Variants in CWC25 observed in about 807,000 individuals in gnomAD.
The protein encoded by CWC25 is pre-mRNA-splicing factor CWC25 homolog.
In CWC25, 31 loss-of-function variants were observed where a neutral mutation model predicts 54.6. The ratio of observed to expected loss-of-function variants is 0.57; its 90% CI spans 0.43 to 0.77. The LOEUF (loss-of-function observed/expected upper bound fraction) is 0.77, where lower values mean the gene tolerates loss of function less well. Among genes scored for constraint, CWC25 ranks in the 30% least tolerant of loss-of-function variants. The pLI is 0.00. For synonymous variants in CWC25, 151 were observed against 187.0 expected (o/e 0.81, Z 1.57); for missense variants, 453 against 529.3 (o/e 0.86, Z 1.41).
chr17:38,819,054 C>A (rs949433106), intron 2 of CWC25, among the ~76,000 whole-genome samples: 1 of 152,052 alleles, frequency 6.6e-6, no homozygotes, highest in African/African-American at 2.4e-5. Context: ...GGCAGAGTCT[C>A]ACTCTGTCAC....
intron 1 of CWC25, among the ~76,000 whole-genome samples, chr17:38,823,326 AT>A (rs1418855912): frequency 4.9e-4 from 72 of 147,914 alleles, no homozygotes; most frequent in Non-Finnish European, 3.0e-4. Flanking sequence ...CTCCCAGCTA[AT>A]TTTTGTATTT....
chr17:38,814,136 C>T (rs952506195), intron 3 of CWC25, among the ~76,000 whole-genome samples: 1 of 152,072 alleles, frequency 6.6e-6, no homozygotes, highest in Admixed American at 6.6e-5. Flanking sequence ...GCTGGGATTA[C>T]AGGCGTGAGC....
Position 38,802,785 on chromosome 17 carries a change from G to T in CWC25, c.1078C>A (p.Leu360Met). 6.2e-7 allele frequency: 1 copy of T among 1,613,982 alleles called. No individual in the cohort carries two copies. Among genetic ancestry groups the T allele is most frequent in the Non-Finnish European group, 8.5e-7 (1 of 1,179,896 alleles). Residue 360 changes from leucine to methionine, a missense_variant, in exon 9 of 10, where the codon CTG becomes ATG. Leu to Met is a conservative substitution (Grantham distance 15). Around this residue, in one of 2 missense-constraint regions of CWC25, gnomAD observed 444 missense variants for 499.2 expected, o/e 0.89. Coordinates refer to ENST00000614790, the MANE Select transcript of CWC25 (RefSeq NM_017748.5). ...TTAGCATGCCTCTTGAGGATGTTCA[G>T]TCTCTCCTCCTCCCTCCATTTGGCG... ...ENAKWREEER[L>M]NILKRHAKDE...
chr17:38,804,832 C>T (rs1322690175), intron 8 of CWC25, among the ~76,000 whole-genome samples: 3 of 135,712 alleles, frequency 2.2e-5, no homozygotes, highest in East Asian at 2.2e-4. Flanking sequence ...GAAGCCCGGG[C>T]GTGGTGGCTC....
At chr17:38,804,799 C>CAAAAA (rs4042818) in intron 8 of CWC25, among the ~76,000 whole-genome samples, 8 of 64,748 alleles carry the variant, frequency 1.2e-4, no homozygotes, top group African/African-American at 1.5e-4. Flanking sequence ...CAGAGCGAGA[C>CAAAAA]AAAAAAAAAA....
At chr17:38,803,841 C>A (rs1911123761) in intron 8 of CWC25, among the ~76,000 whole-genome samples, 1 of 151,836 alleles carries the variant, frequency 6.6e-6, no homozygotes, top group Non-Finnish European at 1.5e-5. Context: ...AGTTCAAGAC[C>A]AGCCTAGGCA....
chr17:38,802,254 G>A, intron 9 of CWC25, 48 bp from the exon 10 acceptor site: 1 of 1,305,412 alleles, frequency 7.7e-7, no homozygotes, highest in African/African-American at 1.4e-5. Flanking sequence ...TTTTCAATCA[G>A]TCAACTATTC....
intron 7 of CWC25, 43 bp downstream of exon 7, chr17:38,806,722 C>A: frequency 6.7e-7 from 1 of 1,483,356 alleles, no homozygotes; most frequent in Non-Finnish European, 9.0e-7. Context: ...TGGGACCAGG[C>A]CCCCACAGTC....
At position 38,815,031 on chromosome 17, in the gene CWC25, G is replaced by A. The variant is rs769422829; in HGVS notation, c.258C>T (p.Tyr86=). 3.1e-6 allele frequency: 5 copies of A among 1,613,878 alleles called. No individual in the cohort carries two copies. The highest frequency in any genetic ancestry group is 3.4e-6 in the Non-Finnish European group (4 of 1,179,886). The change falls in exon 3 of 10, where the codon TAC becomes TAT. Residue 86 remains tyrosine (Y), a synonymous_variant. Coordinates refer to ENST00000614790, the MANE Select transcript of CWC25 (RefSeq NM_017748.5). ...ATTTGTCAATGGGGCGCCCCAGCAG[G>A]TACTCGTCACGGTTCACCATCCCAC... ...GPGGMVNRDE[Y]LLGRPIDKYV...
Position 38,809,780 on chromosome 17 carries a change from TAC to T in CWC25, c.627-17_627-16del, listed in dbSNP as rs762497831. ...TCTTCTGTGATCTAAGAGATCAAAA[TAC>T]ACACACTCATTGAAAAAGAAAATAT... On this transcript the variant is annotated splice_polypyrimidine_tract_variant and intron_variant, in intron 5 of 9. Transcript: ENST00000614790. 2 of 1,611,078 alleles carry T rather than the reference TAC, an allele frequency of 1.2e-6. No homozygotes were observed. Among genetic ancestry groups the T allele is most frequent in the South Asian group, 2.2e-5 (2 of 90,874 alleles).
In CWC25 at chr17:38,802,122, T is replaced by C; in HGVS notation, c.1248A>G (p.Val416=). ...TTTTCATAAAGTTCTTCTCCAGAGCTACCGAAGTTCTCTGTAAAGAGTAGA... is the reference window on the plus strand; with the variant it reads ...TTTTCATAAAGTTCTTCTCCAGAGCCACCGAAGTTCTCTGTAAAGAGTAGA... ...RNIYSLQRTS[V]ALEKNFMKR Residue 416 remains valine, a synonymous_variant, in exon 10 of 10, where the codon GTA becomes GTG. Coordinates refer to ENST00000614790, the MANE Select transcript of CWC25 (RefSeq NM_017748.5). 6 of 1,613,382 alleles carry C rather than the reference T, an allele frequency of 3.7e-6. No homozygotes were observed. The highest frequency in any genetic ancestry group is 5.1e-6 in the Non-Finnish European group (6 of 1,179,356).
At chr17:38,816,427 A>C (rs1295294083) in intron 2 of CWC25, among the ~76,000 whole-genome samples, 1 of 151,536 alleles carries the variant, frequency 6.6e-6, no homozygotes, top group East Asian at 1.9e-4. Flanking sequence ...TTATTTTTTC[A>C]ATTTTTAAAC....
At chr17:38,823,049 A>G (rs1387078797) in intron 1 of CWC25, among the ~76,000 whole-genome samples, 2 of 151,324 alleles carry the variant, frequency 1.3e-5, no homozygotes, top group African/African-American at 2.4e-5. Flanking sequence ...CGTGTTAGCC[A>G]TGATGGTCTC....
rs1911830718 is a variant in CWC25 at position 38,819,346 on chromosome 17, T to C, written c.191+1555A>G. ...TCCCGAGTAGCTGGGATTACAGGCA[T>C]GTGCCACCATGCCTGGCTAATTTTT... On this transcript the variant is annotated intron_variant, in intron 2 of 9. Coordinates refer to ENST00000614790, the MANE Select transcript of CWC25 (RefSeq NM_017748.5). Among the ~76,000 whole-genome samples, 2 of 148,112 alleles carry C rather than the reference T, an allele frequency of 1.4e-5. 1 individual carries two copies. The highest frequency in any genetic ancestry group is 3.0e-5 in the Non-Finnish European group (2 of 66,060).
chr17:38,810,940 A>AG (rs1260779142), intron 4 of CWC25, among the ~76,000 whole-genome samples: 6 of 150,184 alleles, frequency 4.0e-5, no homozygotes, highest in African/African-American at 1.5e-4. Context: ...AAAAAAAAAA[A>AG]AGATTACTGG....
chr17:38,825,301 T>C lies in CWC25; in HGVS notation c.-118A>G. 9.0e-7 allele frequency: 1 copy of C among 1,105,772 alleles called. No homozygotes were observed. 68.5% of individuals were successfully genotyped at this position (1,105,772 alleles called of 1,614,324 possible). A position where few individuals can be genotyped will look rare whatever the true frequency, so the allele number is the denominator to read the frequency against. On this transcript the variant is annotated 5_prime_UTR_variant, in exon 1 of 10. Transcript: ENST00000614790. Reference sequence around the variant, plus strand: ...GGATCTAGTCCCAGGAGCCGTCAACTGCCAGTTTCACCACCGCTCTAGAGG... The same window carrying C: ...GGATCTAGTCCCAGGAGCCGTCAACCGCCAGTTTCACCACCGCTCTAGAGG...
rs1229155554 is a variant in CWC25, at chr17:38,801,556, A to G, written c.*536T>C. On this transcript the variant is annotated 3_prime_UTR_variant, in exon 10 of 10. Transcript: ENST00000614790. ...ATTACAATTTTACATCCAAAGATCA[A>G]ATAGTTAACAGTTCATTTAGGGCTT... 1 of 152,276 alleles carries G rather than the reference A, an allele frequency of 6.6e-6. No homozygotes were observed. The highest frequency in any genetic ancestry group is 2.4e-5 in the African/African-American group (1 of 41,448). 9.4% of individuals were successfully genotyped at this position (152,276 alleles called of 1,614,324 possible). A position where few individuals can be genotyped will look rare whatever the true frequency, so the allele number is the denominator to read the frequency against.
chr17:38,823,735 C>T (rs1228452817), intron 1 of CWC25, among the ~76,000 whole-genome samples: 1 of 152,150 alleles, frequency 6.6e-6, no homozygotes, highest in Non-Finnish European at 1.5e-5. Flanking sequence ...CTTTCTCCCT[C>T]TAACCCTTCC....
At chr17:38,824,292 G>A (rs1220500751) in intron 1 of CWC25, among the ~76,000 whole-genome samples, 2 of 152,136 alleles carry the variant, frequency 1.3e-5, no homozygotes. Context: ...ATATTAAGTG[G>A]TATGAATTCA....
Sources: allele counts gnomAD v4.1 joint callset (sites outside exome capture counted in the v4.1 genomes callset), GRCh38; gene constraint gnomAD v4.1.1; regional missense constraint gnomAD v4.1.1; transcripts MANE v1.5; gene names NCBI Gene and HGNC (gene_info 2026-07-23, HGNC 2026-07-21).